Variants in DSCAM observed in about 807,000 individuals in gnomAD.
The protein encoded by DSCAM is DS cell adhesion molecule, also known as cell adhesion molecule DSCAM.
In DSCAM, 47 loss-of-function variants were observed where a neutral mutation model predicts 217.7. The ratio of observed to expected loss-of-function variants is 0.22; its 90% CI spans 0.17 to 0.28. The LOEUF (loss-of-function observed/expected upper bound fraction) is 0.28, where lower values mean the gene tolerates loss of function less well. Ranked by LOEUF, DSCAM falls within the 10% of genes least tolerant of loss-of-function variation. The pLI, the probability that DSCAM is intolerant of heterozygous loss-of-function variation, is 1.00. For synonymous variants in DSCAM, 1,056 were observed against 1,015.3 expected (o/e 1.04, Z -0.76); for missense variants, 2,080 against 2,618.3 (o/e 0.79, Z 4.49).
At chr21:40,610,078 G>C (rs2089292982) in intron 3 of DSCAM, among the ~76,000 whole-genome samples, 1 of 152,166 alleles carries the variant, frequency 6.6e-6, no homozygotes, top group South Asian at 2.1e-4. Context: ...ACAAGCACGG[G>C]GCTTGGGACA....
rs139580037 is a variant in DSCAM, at chr21:40,287,637, T to C, written c.2182+8418A>G. On this transcript the variant is annotated intron_variant, in intron 10 of 32. Coordinates refer to ENST00000400454, the MANE Select transcript of DSCAM (RefSeq NM_001389.5). ...GAGTGCCTAGTTTTATTTCTATGAATCTCTCAACAAAAGAATCAAGTTCCT... is the reference window on the plus strand; with the variant it reads ...GAGTGCCTAGTTTTATTTCTATGAACCTCTCAACAAAAGAATCAAGTTCCT... 5.9e-5 allele frequency among the ~76,000 whole-genome samples: 9 copies of C among 152,294 alleles called. No homozygotes were observed. The East Asian group carries it at 9.7e-4, about 16-fold the overall frequency.
chr21:40,413,063 T>C (rs778515318), intron 3 of DSCAM, among the ~76,000 whole-genome samples: 22 of 152,192 alleles, frequency 1.4e-4, no homozygotes, highest in Non-Finnish European at 2.8e-4. Context: ...AGTCAAGAAT[T>C]GAGATTTGGG....
At chr21:40,539,878 A>G (rs989597968) in intron 3 of DSCAM, among the ~76,000 whole-genome samples, 1 of 152,320 alleles carries the variant, frequency 6.6e-6, no homozygotes, top group East Asian at 1.9e-4. Flanking sequence ...TGGCTTTATT[A>G]ACATAAAATC....
Position 40,057,695 on chromosome 21 carries a change from T to G in DSCAM, c.4920-1855A>C, listed in dbSNP as rs2837404. 8.6e-5 allele frequency among the ~76,000 whole-genome samples: 13 copies of G among 151,930 alleles called. No homozygotes were observed. In the South Asian group the frequency reaches 2.7e-3, roughly 32 times the overall value. On this transcript the variant is annotated intron_variant, in intron 28 of 32. Coordinates refer to ENST00000400454, the MANE Select transcript of DSCAM (RefSeq NM_001389.5). Reference sequence around the variant, plus strand: ...ACTGGCTGGCACCAAGATTTAGAACTTGATTCAACTCTGCGAACCAGGACA... The same window carrying G: ...ACTGGCTGGCACCAAGATTTAGAACGTGATTCAACTCTGCGAACCAGGACA...
At chr21:40,644,651 C>T (rs1267351048) in intron 3 of DSCAM, among the ~76,000 whole-genome samples, 1 of 152,186 alleles carries the variant, frequency 6.6e-6, no homozygotes, top group African/African-American at 2.4e-5. Context: ...TTAATAGAAA[C>T]CCTAAAGAAC....
chr21:40,563,622 A>T (rs1234782920), intron 3 of DSCAM, among the ~76,000 whole-genome samples: 1 of 146,816 alleles, frequency 6.8e-6, no homozygotes, highest in African/African-American at 2.5e-5. Flanking sequence ...ACATGTTTAT[A>T]TATAGTTATA....
chr21:40,795,868 T>C (rs1450199196), intron 1 of DSCAM, among the ~76,000 whole-genome samples: 4 of 152,180 alleles, frequency 2.6e-5, no homozygotes, highest in African/African-American at 9.7e-5. Flanking sequence ...CCTCAGTATG[T>C]TTCATGTATC....
chr21:40,489,757 A>T, intron 3 of DSCAM, among the ~76,000 whole-genome samples: 1 of 117,698 alleles, frequency 8.5e-6, no homozygotes, highest in Non-Finnish European at 1.6e-5. Flanking sequence ...CCTGGGCGAC[A>T]GGGCGAGACT....
At chr21:40,190,382 G>A (rs1465528951) in intron 11 of DSCAM, among the ~76,000 whole-genome samples, 2 of 149,996 alleles carry the variant, frequency 1.3e-5, no homozygotes, top group Admixed American at 6.6e-5. Flanking sequence ...AAAGCCAGAG[G>A]TAATATATAA....
At chr21:40,137,906 T>C (rs1284423741) in intron 18 of DSCAM, among the ~76,000 whole-genome samples, 2 of 152,120 alleles carry the variant, frequency 1.3e-5, no homozygotes, top group African/African-American at 4.8e-5. Flanking sequence ...ATGTACCATT[T>C]TTTCCATGAA....
chr21:40,260,266 A>G (rs1030569470), intron 11 of DSCAM, among the ~76,000 whole-genome samples: 3 of 152,208 alleles, frequency 2.0e-5, no homozygotes, highest in East Asian at 1.9e-4. Context: ...CAAAAAGTGG[A>G]CATCTAACTT....
Position 40,144,813 on chromosome 21 carries a change from A to C in DSCAM, c.3019-82T>G. On this transcript the variant is annotated intron_variant, in intron 16 of 32. Coordinates refer to ENST00000400454, the MANE Select transcript of DSCAM (RefSeq NM_001389.5). The surrounding 1 kb of genome is among the most constrained non-coding windows in gnomAD (Gnocchi z 4.8). Reference sequence around the variant, plus strand: ...ATCAACGCCCACACCCACGTAGGAAAGCAGAAATAAAGTGGAGTCATCGCC... The same window carrying C: ...ATCAACGCCCACACCCACGTAGGAACGCAGAAATAAAGTGGAGTCATCGCC... 9 of 1,579,422 alleles carry C rather than the reference A, an allele frequency of 5.7e-6. No homozygotes were observed. The highest frequency in any genetic ancestry group is 7.7e-6 in the Non-Finnish European group (9 of 1,163,450).
chr21:40,210,204 A>G (rs1236506181), intron 11 of DSCAM, among the ~76,000 whole-genome samples: 2 of 152,210 alleles, frequency 1.3e-5, no homozygotes, highest in African/African-American at 2.4e-5. Context: ...GTTGGATTTC[A>G]TTCCACCTTC....
At position 40,142,563 on chromosome 21, in the gene DSCAM, T is replaced by A. The variant is rs2090305126; in HGVS notation, c.3401A>T (p.Asp1134Val). The A allele has an allele frequency of 1.2e-6, 2 of 1,614,056 alleles. No individual in the cohort carries two copies. Among genetic ancestry groups the A allele is most frequent in the East Asian group, 4.5e-5 (2 of 44,870 alleles). ...TCCTAGTTTAGTCCTCTTACCTCCG[T>A]CCATGAGGTTGGCCCAGTAAATGAC... ...FRVIYWANLM[D>V]GELGEIKNIT... The change falls in exon 18 of 33, where the codon GAC becomes GTC. Residue 1134 changes from aspartate to valine, a missense_variant. Transcript: ENST00000400454.
At chr21:40,082,228 A>G in intron 24 of DSCAM, among the ~76,000 whole-genome samples, 1 of 152,196 alleles carries the variant, frequency 6.6e-6, no homozygotes, top group Non-Finnish European at 1.5e-5. Flanking sequence ...TGGGAAGCCA[A>G]GGCGGGTAGA....
intron 3 of DSCAM, among the ~76,000 whole-genome samples, chr21:40,565,707 C>T (rs1360327443): frequency 1.3e-5 from 2 of 152,164 alleles, no homozygotes; most frequent in Admixed American, 1.3e-4. Context: ...GGCCATATTG[C>T]CTGTCCACAT....
intron 1 of DSCAM, among the ~76,000 whole-genome samples, chr21:40,790,300 G>T (rs897708526): frequency 2.0e-5 from 3 of 150,690 alleles, no homozygotes; most frequent in Non-Finnish European, 2.9e-5. Flanking sequence ...TCCTACCTCA[G>T]CCCCTCGAGT....
intron 11 of DSCAM, among the ~76,000 whole-genome samples, chr21:40,261,696 T>C (rs1345462038): frequency 6.7e-6 from 1 of 148,892 alleles, no homozygotes; most frequent in African/African-American, 2.6e-5. Flanking sequence ...CATTCTTATA[T>C]AAGTATATAC....
intron 3 of DSCAM, among the ~76,000 whole-genome samples, chr21:40,462,605 A>G (rs1293745944): frequency 6.6e-6 from 1 of 152,210 alleles, no homozygotes; most frequent in Admixed American, 6.5e-5. Flanking sequence ...CAAGTGAACC[A>G]TATGCATGAC....
Sources: gnomAD v4.1 joint callset for allele counts (sites outside exome capture counted in the v4.1 genomes callset) on GRCh38, gnomAD v4.1.1 for gene constraint, Gnocchi (gnomAD v3.1) non-coding constraint, MANE v1.5 for transcripts, NCBI Gene and HGNC (gene_info 2026-07-23, HGNC 2026-07-21) for gene names.